FER1L5: variants seen among roughly 807,000 people sequenced by gnomAD.
FER1L5 encodes the protein fer-1-like protein 5.
Under a neutral mutation model 279.9 loss-of-function variants are expected in FER1L5, and 187 were observed. That is an observed-to-expected ratio of 0.67 (90% CI 0.59 to 0.75). FER1L5 has a LOEUF of 0.75. Among genes scored for constraint, FER1L5 ranks in the 30% least tolerant of loss-of-function variants. The probability of loss-of-function intolerance (pLI) is 0.00; values close to 1 mark genes in which losing one functional copy is unlikely to be tolerated. For synonymous variants in FER1L5, 921 were observed against 989.7 expected (o/e 0.93, Z 1.30); for missense variants, 2,091 against 2,594.4 (o/e 0.81, Z 4.21).
At position 96,691,139 on chromosome 2, in the gene FER1L5, C is replaced by T; in HGVS notation, c.2744-51C>T. On this transcript the variant is annotated intron_variant, in intron 27 of 52. Transcript: ENST00000624922. This position sits in a 1 kb window ranked among gnomAD's most constrained non-coding sequence, Gnocchi z 6.0. ...CTGTCTCCCGGGTTTGTCCAGGCCT[C>T]CCAACCTGCGGGCACCTGAGGACTC... 1 of 1,506,476 alleles carries T rather than the reference C, an allele frequency of 6.6e-7. No individual in the cohort carries two copies. The highest frequency in any genetic ancestry group is 8.9e-7 in the Non-Finnish European group (1 of 1,123,212). 93.3% of individuals were successfully genotyped at this position (1,506,476 alleles called of 1,614,324 possible).
chr2:96,655,427 C>T (rs994102043), intron 9 of FER1L5, among the ~76,000 whole-genome samples: 1 of 152,188 alleles, frequency 6.6e-6, no homozygotes, highest in African/African-American at 2.4e-5. Context: ...CATGGCTTCT[C>T]ACCAAATATT....
intron 7 of FER1L5, chr2:96,652,245 G>T (rs1273079643): frequency 1.7e-6 from 1 of 578,780 alleles, no homozygotes; most frequent in Admixed American, 3.1e-5. Flanking sequence ...TCATGAATCC[G>T]TAAACAATTA....
In FER1L5 at chr2:96,704,565, GCTCTTCCATC is replaced by G; in HGVS notation, c.6050_6059del (p.Ser2017PhefsTer8). 6.2e-7 allele frequency: 1 copy of G among 1,613,898 alleles called. No individual in the cohort carries two copies. The highest frequency in any genetic ancestry group is 8.5e-7 in the Non-Finnish European group (1 of 1,179,872). The stretch of plus-strand genomic sequence containing the variant: ...AATTCACTAAACACCAGCAACGCCA[GCTCTTCCATC>G]CTTCCCACCCAGGATCCAAACCTAA... On this transcript the variant is annotated frameshift_variant, in exon 53 of 53. Transcript: ENST00000624922. LOFTEE classifies it low-confidence loss of function (END_TRUNC).
intron 43 of FER1L5, 73 bp from the exon 44 acceptor site, chr2:96,699,859 G>A (rs982925446): frequency 3.0e-5 from 47 of 1,587,602 alleles, no homozygotes; most frequent in Admixed American, 5.2e-5. Flanking sequence ...TCCACCCGTG[G>A]TCAACCTGCA....
chr2:96,702,877 T>C lies in FER1L5; in HGVS notation c.5398-101T>C. The C allele has an allele frequency of 6.5e-7, 1 of 1,529,548 alleles. No homozygotes were observed. Among genetic ancestry groups the C allele is most frequent in the Non-Finnish European group, 8.8e-7 (1 of 1,129,982 alleles). 94.7% of individuals were successfully genotyped at this position (1,529,548 alleles called of 1,614,324 possible). On this transcript the variant is annotated intron_variant, in intron 48 of 52. Coordinates refer to ENST00000624922, the MANE Select transcript of FER1L5 (RefSeq NM_001293083.2). This position sits in a 1 kb window ranked among gnomAD's most constrained non-coding sequence, Gnocchi z 4.0. ...AACATGTCCTCAGGTGGAAACCCTC[T>C]TCCTTGATAGTCTATCACTGCTGGG...
chr2:96,667,570 C>T (rs1029640598), intron 14 of FER1L5, among the ~76,000 whole-genome samples: 3 of 152,116 alleles, frequency 2.0e-5, no homozygotes, highest in African/African-American at 7.2e-5. Flanking sequence ...TGATCTTGAA[C>T]TCCTGACCTC....
intron 26 of FER1L5, among the ~76,000 whole-genome samples, chr2:96,690,156 G>A (rs529937083): frequency 6.6e-6 from 1 of 152,272 alleles, no homozygotes; most frequent in East Asian, 1.9e-4. Context: ...TGAGATGAAG[G>A]AATTAAACTT....
At chr2:96,690,755 C>T (rs1218047074) in intron 27 of FER1L5, among the ~76,000 whole-genome samples, 166 bp downstream of exon 27, 1 of 152,184 alleles carries the variant, frequency 6.6e-6, no homozygotes, top group Non-Finnish European at 1.5e-5. Context: ...ACACATAGGC[C>T]CCAGTTTTGA....
At chr2:96,669,292 A>G (rs2076238658) in intron 17 of FER1L5, among the ~76,000 whole-genome samples, 155 bp downstream of exon 17, 1 of 152,152 alleles carries the variant, frequency 6.6e-6, no homozygotes, top group Admixed American at 6.5e-5. Context: ...AGCCACGTGC[A>G]TGTGGGACAG....
Position 96,693,645 on chromosome 2 carries a change from C to A in FER1L5, c.3432C>A (p.Ser1144Arg), listed in dbSNP as rs1382194043. The stretch of plus-strand genomic sequence containing the variant: ...AGAACCCACAGGACACCAAAGAGAG[C>A]CCACCGCTTGTGGTGCTGGAGCTGT... ...LYENPQDTKE[S>R]PPLVVLELWQ... Residue 1144 changes from serine (S) to arginine (R), a missense_variant, in exon 32 of 53, where the codon AGC becomes AGA. Coordinates refer to ENST00000624922, the MANE Select transcript of FER1L5 (RefSeq NM_001293083.2). 2.6e-6 allele frequency: 4 copies of A among 1,551,588 alleles called. No individual in the cohort carries two copies. The highest frequency in any genetic ancestry group is 2.7e-5 in the African/African-American group (2 of 73,038).
chr2:96,674,091 G>A (rs771127830), intron 19 of FER1L5, among the ~76,000 whole-genome samples: 10 of 152,256 alleles, frequency 6.6e-5, no homozygotes, highest in Non-Finnish European at 1.2e-4. Context: ...TCACAGAGTC[G>A]TACAACCATC....
intron 6 of FER1L5, 73 bp from the exon 7 acceptor site, chr2:96,651,819 T>C (rs1005112951): frequency 6.5e-7 from 1 of 1,543,678 alleles, no homozygotes; most frequent in East Asian, 2.5e-5. Flanking sequence ...CCTAGAATGT[T>C]TTCTTATCAG....
In FER1L5 at chr2:96,700,037, T is replaced by C. The variant is rs776860433; in HGVS notation, c.4887T>C (p.Asp1629=). ...LPPPLFSPEE[D]AVFYNGKKFK... ...CGCCTCTGTTCAGTCCTGAGGAAGA[T>C]GCTGTTTTCTATAATGGGAAAAAGT... The change falls in exon 44 of 53, where the codon GAT becomes GAC. Residue 1629 remains aspartate (D), a synonymous_variant. Coordinates refer to ENST00000624922, the MANE Select transcript of FER1L5 (RefSeq NM_001293083.2). 1.9e-6 allele frequency: 3 copies of C among 1,613,844 alleles called. No individual in the cohort carries two copies. Among genetic ancestry groups the C allele is most frequent in the Non-Finnish European group, 2.5e-6 (3 of 1,179,904 alleles).
chr2:96,642,979 C>G (rs1007531706), intron 1 of FER1L5, 58 bp downstream of exon 1: 5 of 1,460,618 alleles, frequency 3.4e-6, no homozygotes, highest in Non-Finnish European at 4.6e-6. Flanking sequence ...AACATGGATT[C>G]AGTGAAAAAA....
Position 96,702,157 on chromosome 2 carries a change from G to A in FER1L5, c.5159+114G>A, listed in dbSNP as rs2077607599. On this transcript the variant is annotated intron_variant, in intron 46 of 52. Transcript: ENST00000624922. The surrounding 1 kb of genome is among the most constrained non-coding windows in gnomAD (Gnocchi z 4.0). ...CAGTAATTCGTTTCTCTATTGGGAA[G>A]AGAGGAAGCTCTACTGGGAGCTTTC... 1 of 1,570,660 alleles carries A rather than the reference G, an allele frequency of 6.4e-7. No homozygotes were observed. Among genetic ancestry groups the A allele is most frequent in the Middle Eastern group, 1.7e-4 (1 of 5,892 alleles).
chr2:96,650,070 T>C (rs2075299065), intron 5 of FER1L5, 110 bp from the exon 6 acceptor site: 2 of 836,720 alleles, frequency 2.4e-6, no homozygotes, highest in Non-Finnish European at 3.9e-6. Flanking sequence ...CTCTTGGCCA[T>C]GCTTTTAGTC....
rs760052790 is a variant in FER1L5, at chr2:96,702,352, G to C, written c.5206G>C (p.Val1736Leu). 4 of 1,613,126 alleles carry C rather than the reference G, an allele frequency of 2.5e-6. No individual in the cohort carries two copies. In the African/African-American group the frequency reaches 5.3e-5, roughly 22 times the overall value. Reference protein sequence around the residue: ...IIWKTANVDLVDDNLSREKTS... With the variant: ...IIWKTANVDLLDDNLSREKTS... Reference sequence around the variant, plus strand: ...CTGGAAGACTGCCAATGTGGACCTGGTGGATGACAATTTAAGTAGAGAGAA... The same window carrying C: ...CTGGAAGACTGCCAATGTGGACCTGCTGGATGACAATTTAAGTAGAGAGAA... Residue 1736 changes from valine to leucine, a missense_variant, in exon 47 of 53, where the codon GTG (valine) becomes CTG (leucine). Physicochemically the swap from Val to Leu is conservative, Grantham distance 32 (BLOSUM62 1). Coordinates refer to ENST00000624922, the MANE Select transcript of FER1L5 (RefSeq NM_001293083.2). The surrounding 1 kb of genome is among the most constrained non-coding windows in gnomAD (Gnocchi z 4.0).
chr2:96,665,826 T>C (rs1269485805), intron 14 of FER1L5, among the ~76,000 whole-genome samples: 1 of 152,104 alleles, frequency 6.6e-6, no homozygotes. Flanking sequence ...CCTCAGGTGA[T>C]CCACCTGCCT....
Position 96,692,060 on chromosome 2 carries a change from T to C in FER1L5, c.3215-44T>C, listed in dbSNP as rs1373042184. ...GGTGGGGGCAGTCAGAGGGAGCCGC[T>C]GGGGTCCTGGGGCAGGTGACAGGCA... On this transcript the variant is annotated intron_variant, in intron 30 of 52. Coordinates refer to ENST00000624922, the MANE Select transcript of FER1L5 (RefSeq NM_001293083.2). 1.9e-6 allele frequency: 3 copies of C among 1,549,742 alleles called. No individual in the cohort carries two copies. The African/African-American group carries it at 4.1e-5, about 21-fold the overall frequency.
Sources: allele counts gnomAD v4.1 joint callset (sites outside exome capture counted in the v4.1 genomes callset), GRCh38; gene constraint gnomAD v4.1.1; non-coding constraint Gnocchi (gnomAD v3.1); transcripts MANE v1.5; gene names NCBI Gene and HGNC (gene_info 2026-07-23, HGNC 2026-07-21).